The following HIRA variants were observed in gnomAD, a reference collection of about 807,000 sequenced individuals.
The protein encoded by HIRA is protein HIRA.
A neutral mutation model predicts 126.6 loss-of-function variants in HIRA; 13 were observed. The observed-to-expected ratio is 0.10, with a 90% CI of 0.07 to 0.16. The LOEUF is 0.16. Among genes scored for constraint, HIRA ranks in the 10% least tolerant of loss-of-function variants. HIRA has a pLI of 1.00. For missense variants in HIRA, 834 were observed against 1,314.4 expected, an observed-to-expected ratio of 0.63 and a Z score of 5.65; for synonymous variants, 511 against 520.0, an observed-to-expected ratio of 0.98 and a Z score of 0.24.
rs782735053 is a variant in HIRA at position 19,353,417 on chromosome 22, C to T, written c.2787G>A (p.Leu929=). 13 of 1,612,944 alleles carry T rather than the reference C, an allele frequency of 8.1e-6. No homozygotes were observed. In the Admixed American group the frequency reaches 2.2e-4, roughly 27 times the overall value. The change falls in exon 23 of 25, where the codon CTG becomes CTA. Residue 929 remains leucine, a synonymous_variant. Transcript: ENST00000263208. ...AATGGCGGTACTCGTGGCTGGACTG[C>T]AGGGTGAGTGCTGCTGCCACCTGGT... ...LENQVAAALT[L]QSSHEYRHWL... is the part of the protein sequence containing the mutation.
intron 1 of HIRA, among the ~76,000 whole-genome samples, chr22:19,417,504 C>T (rs2089408871): frequency 6.6e-6 from 1 of 152,050 alleles, no homozygotes; most frequent in African/African-American, 2.4e-5. Flanking sequence ...TGCCTGTAGT[C>T]CCAGCTACTC....
chr22:19,377,748 TTC>T lies in HIRA; in HGVS notation c.1613+119_1613+120del. The T allele has an allele frequency of 3.4e-6, 3 of 879,332 alleles. No homozygotes were observed. In the East Asian group the frequency reaches 7.9e-5, roughly 23 times the overall value. The allele number at this position is 879,332 out of a possible 1,614,324, so 54.5% of individuals were successfully genotyped here. A position where few individuals can be genotyped will look rare whatever the true frequency, so the allele number is the denominator to read the frequency against. ...TCCCCATTTCAAATCACGCATTTTT[TTC>T]TTTCTTTTTTGATTGAAGGGGCCAC... On this transcript the variant is annotated intron_variant, in intron 14 of 24. Coordinates refer to ENST00000263208, the MANE Select transcript of HIRA (RefSeq NM_003325.4).
intron 15 of HIRA, among the ~76,000 whole-genome samples, chr22:19,370,640 G>C (rs892152118): frequency 1.2e-4 from 19 of 152,322 alleles, no homozygotes; most frequent in East Asian, 1.9e-4. Context: ...TGCATTTTCT[G>C]TAAGGCCTTT....
chr22:19,353,915 G>A lies in HIRA; in HGVS notation c.2684+81C>T, dbSNP rs113790952. 1.9e-4 allele frequency: 290 copies of A among 1,518,164 alleles called. 3 individuals carry two copies. In the African/African-American group the frequency reaches 3.1e-3, roughly 16 times the overall value. The allele number at this position is 1,518,164 out of a possible 1,614,324, so 94.0% of individuals were successfully genotyped here. Reference sequence around the variant, plus strand: ...AAGGGCAGGTGGAGACCAGGCCTGGGCAGGGACTGTGCGTGCACTGACCCA... The same window carrying A: ...AAGGGCAGGTGGAGACCAGGCCTGGACAGGGACTGTGCGTGCACTGACCCA... On this transcript the variant is annotated intron_variant, in intron 22 of 24. Transcript: ENST00000263208.
At chr22:19,344,988 T>C (rs2146177764) in intron 24 of HIRA, among the ~76,000 whole-genome samples, 1 of 152,276 alleles carries the variant, frequency 6.6e-6, no homozygotes, top group South Asian at 2.1e-4. Context: ...TATCTCGACA[T>C]AGTAAAGACC....
intron 14 of HIRA, 84 bp from the exon 15 acceptor site, chr22:19,375,876 T>G: frequency 7.2e-7 from 1 of 1,393,406 alleles, no homozygotes; most frequent in Non-Finnish European, 9.9e-7. Flanking sequence ...TGGAGCCTAC[T>G]AAAAAAGGCA....
chr22:19,373,452 C>A (rs1381235551), intron 15 of HIRA, among the ~76,000 whole-genome samples: 1 of 152,186 alleles, frequency 6.6e-6, no homozygotes, highest in Admixed American at 6.5e-5. Context: ...ATTTTATGAT[C>A]ATCTAAACAG....
chr22:19,331,653 C>T (rs1314360607), intron 24 of HIRA, 97 bp from the exon 25 acceptor site: 11 of 1,149,202 alleles, frequency 9.6e-6, no homozygotes, highest in Admixed American at 2.3e-5. Context: ...TGTCTGCTCA[C>T]GGGAGAAGGA....
chr22:19,392,673 G>C (rs1247708059), intron 8 of HIRA, among the ~76,000 whole-genome samples: 1 of 152,186 alleles, frequency 6.6e-6, no homozygotes, highest in African/African-American at 2.4e-5. Flanking sequence ...GTGAATCTCT[G>C]AATTCCTTAT....
At chr22:19,354,896 A>T (rs2088795875) in intron 21 of HIRA, among the ~76,000 whole-genome samples, 1 of 151,848 alleles carries the variant, frequency 6.6e-6, no homozygotes, top group Non-Finnish European at 1.5e-5. Context: ...CTTCCCAAGG[A>T]GCTGGGACTA....
At chr22:19,360,765 A>C (rs2088855947) in intron 17 of HIRA, among the ~76,000 whole-genome samples, 1 of 152,278 alleles carries the variant, frequency 6.6e-6, no homozygotes, top group Non-Finnish European at 1.5e-5. Context: ...GGATAACCAC[A>C]TGCTTACAAG....
chr22:19,363,515 C>T (rs994971840), intron 15 of HIRA, among the ~76,000 whole-genome samples: 25 of 152,102 alleles, frequency 1.6e-4, no homozygotes, highest in Non-Finnish European at 1.0e-4. Context: ...CTGGAACAGG[C>T]AAAACCATGG....
chr22:19,373,800 G>A (rs935607252), intron 15 of HIRA, among the ~76,000 whole-genome samples: 1 of 152,028 alleles, frequency 6.6e-6, no homozygotes, highest in African/African-American at 2.4e-5. Context: ...TTATGCTGGT[G>A]ACTTAATTCC....
At chr22:19,379,802 T>G (rs117162387) in intron 13 of HIRA, among the ~76,000 whole-genome samples, 1 of 152,140 alleles carries the variant, frequency 6.6e-6, no homozygotes, top group East Asian at 1.9e-4. Flanking sequence ...GATGTTGTGT[T>G]TCAACTATTT....
chr22:19,354,736 A>G (rs574683096), intron 21 of HIRA, among the ~76,000 whole-genome samples: 1 of 152,242 alleles, frequency 6.6e-6, no homozygotes, highest in Non-Finnish European at 1.5e-5. Flanking sequence ...TATAATAGAC[A>G]ACATTTTGCA....
At chr22:19,392,867 A>G (rs1427876070) in intron 8 of HIRA, among the ~76,000 whole-genome samples, 1 of 152,058 alleles carries the variant, frequency 6.6e-6, no homozygotes, top group East Asian at 1.9e-4. Flanking sequence ...GGATGAAAGC[A>G]CTCACTGAGC....
intron 10 of HIRA, 60 bp from the exon 11 acceptor site, chr22:19,387,876 C>T (rs2089140923): frequency 8.3e-7 from 1 of 1,205,502 alleles, no homozygotes. Context: ...ACATGTGCCG[C>T]AGTAGCTGGC....
chr22:19,424,118 G>A (rs1015680419), intron 1 of HIRA, among the ~76,000 whole-genome samples: 1 of 152,220 alleles, frequency 6.6e-6, no homozygotes, highest in Non-Finnish European at 1.5e-5. Flanking sequence ...ACTATGGTGT[G>A]TACCAAGTAC....
chr22:19,405,319 C>A (rs1252861324), intron 5 of HIRA: 9 of 199,022 alleles, frequency 4.5e-5, no homozygotes, highest in Non-Finnish European at 6.3e-5. Flanking sequence ...GGGCAACCTT[C>A]CCCCTCAGTC....
Sources: gnomAD v4.1 joint callset for allele counts (sites outside exome capture counted in the v4.1 genomes callset) on GRCh38, gnomAD v4.1.1 for gene constraint, MANE v1.5 for transcripts, NCBI Gene and HGNC (gene_info 2026-07-23, HGNC 2026-07-21) for gene names.